CENPE: variants seen among roughly 807,000 people sequenced by gnomAD.
The protein encoded by CENPE is centromere-associated protein E.
Under a neutral mutation model 336.1 loss-of-function variants are expected in CENPE, and 145 were observed. The ratio of observed to expected loss-of-function variants is 0.43; its 90% CI spans 0.38 to 0.50. The LOEUF (loss-of-function observed/expected upper bound fraction) is 0.50. Ranked by LOEUF, CENPE falls within the 20% of genes least tolerant of loss-of-function variation. The probability of loss-of-function intolerance (pLI) is 0.00; values close to 1 mark genes in which losing one functional copy is unlikely to be tolerated. For missense variants in CENPE, 2,719 were observed against 3,023.3 expected, an observed-to-expected ratio of 0.90 and a Z score of 2.36; for synonymous variants, 1,013 against 984.8, an observed-to-expected ratio of 1.03 and a Z score of -0.54.
intron 47 of CENPE, 22 bp from the exon 48 acceptor site, chr4:103,109,111 G>GA (rs768954272): frequency 8.2e-6 from 13 of 1,584,662 alleles, no homozygotes; most frequent in Non-Finnish European, 1.1e-5. Flanking sequence ...GGGAAGAAAA[G>GA]AGAGACTGTA....
chr4:103,120,395 T>A, intron 43 of CENPE, 62 bp from the exon 44 acceptor site: 2 of 1,366,774 alleles, frequency 1.5e-6, no homozygotes, highest in South Asian at 2.6e-5. Flanking sequence ...GTATAGAAAT[T>A]TGAGACAGAG....
Position 103,140,373 on chromosome 4 carries a change from T to C in CENPE, c.5796A>G (p.Leu1932=). 2 of 1,605,410 alleles carry C rather than the reference T, an allele frequency of 1.2e-6. No individual in the cohort carries two copies. The highest frequency in any genetic ancestry group is 1.7e-6 in the Non-Finnish European group (2 of 1,176,512). The change falls in exon 37 of 49, where the codon CTA becomes CTG. Residue 1932 remains leucine, a synonymous_variant. Transcript: ENST00000265148. ...CAACAGTTTCTTTGTGTTCTTTTGATAGCATACGAGCAGTTTTTAGTTCCT... is the reference window on the plus strand; with the variant it reads ...CAACAGTTTCTTTGTGTTCTTTTGACAGCATACGAGCAGTTTTTAGTTCCT... The part of the protein sequence containing the change: ...IQQELKTARM[L]SKEHKETVDK...
At chr4:103,197,353 G>T (rs1346690834) in intron 1 of CENPE, among the ~76,000 whole-genome samples, 1 of 152,134 alleles carries the variant, frequency 6.6e-6, no homozygotes, top group Non-Finnish European at 1.5e-5. Flanking sequence ...CATGAAAAGC[G>T]TCAAGACTTT....
Position 103,136,289 on chromosome 4 carries a change from T to C in CENPE, c.6374A>G (p.Glu2125Gly). The C allele has an allele frequency of 6.2e-7, 1 of 1,613,492 alleles. No individual in the cohort carries two copies. The highest frequency in any genetic ancestry group is 8.5e-7 in the Non-Finnish European group (1 of 1,179,786). ...CTCTTTTTGGAATTCAATTTCCTTC[T>C]CCAAGTCAAGAGACAATCTATTCAA... ...ECLNRLSLDL[E>G]KEIEFQKELS... Residue 2125 changes from glutamate (E) to glycine (G), a missense_variant, in exon 40 of 49, where the codon GAG (glutamate) becomes GGG (glycine). Glu to Gly is a moderately conservative substitution (Grantham distance 98). Coordinates refer to ENST00000265148, the MANE Select transcript of CENPE (RefSeq NM_001813.3).
chr4:103,187,291 C>G (rs553213743), intron 8 of CENPE, among the ~76,000 whole-genome samples: 19 of 152,214 alleles, frequency 1.2e-4, no homozygotes, highest in Non-Finnish European at 2.2e-4. Flanking sequence ...TCAGGAAATA[C>G]AGAGAATGCC....
At chr4:103,182,139 T>G (rs1189779237) in intron 11 of CENPE, among the ~76,000 whole-genome samples, 1 of 152,006 alleles carries the variant, frequency 6.6e-6, no homozygotes, top group Non-Finnish European at 1.5e-5. Context: ...TTGCCTAGGC[T>G]GGAGTGCAAT....
Position 103,138,350 on chromosome 4 carries a change from C to A in CENPE, c.6303+1G>T. The A allele has an allele frequency of 6.2e-7, 1 of 1,600,608 alleles. No individual in the cohort carries two copies. Among genetic ancestry groups the A allele is most frequent in the Non-Finnish European group, 8.6e-7 (1 of 1,167,720 alleles). ...TTGTAGTTTTAACAGGGGGTACTTACTTTTATTCTAGAGCACTTTTCTCTC... is the reference window on the plus strand; with the variant it reads ...TTGTAGTTTTAACAGGGGGTACTTAATTTTATTCTAGAGCACTTTTCTCTC... On this transcript the variant is annotated splice_donor_variant, in intron 39 of 48. Transcript: ENST00000265148. LOFTEE classifies it high-confidence loss of function.
At chr4:103,163,607 G>GCAAAAAAAAAAAAAAAA (rs1754649130) in intron 16 of CENPE, 54 bp from the exon 17 acceptor site, 1 of 197,238 alleles carries the variant, frequency 5.1e-6, no homozygotes, top group Non-Finnish European at 7.7e-6. Context: ...ATAAAGCAAA[G>GCAAAAAAAAAAAAAAAA]CAAAAAAAAA....
At chr4:103,134,282 A>T (rs1162363700) in intron 40 of CENPE, among the ~76,000 whole-genome samples, 1 of 152,146 alleles carries the variant, frequency 6.6e-6, no homozygotes, top group African/African-American at 2.4e-5. Context: ...ACTCATTTTC[A>T]ACATCCTCTC....
At chr4:103,132,171 T>C (rs1176239474) in intron 42 of CENPE, among the ~76,000 whole-genome samples, 1 of 152,152 alleles carries the variant, frequency 6.6e-6, no homozygotes, top group Admixed American at 6.5e-5. Context: ...TGATGTGGGC[T>C]GTTGATAGGG....
chr4:103,187,016 C>T (rs1756834804), intron 8 of CENPE, among the ~76,000 whole-genome samples: 1 of 152,128 alleles, frequency 6.6e-6, no homozygotes. Context: ...AGACAGGGGC[C>T]AGATTATGCA....
At position 103,123,058 on chromosome 4, in the gene CENPE, T is replaced by A; in HGVS notation, c.6956A>T (p.Glu2319Val). 6.2e-7 allele frequency: 1 copy of A among 1,613,854 alleles called. No homozygotes were observed. The highest frequency in any genetic ancestry group is 8.5e-7 in the Non-Finnish European group (1 of 1,179,816). The change falls in exon 43 of 49, where the codon GAA (glutamate) becomes GTA (valine). Residue 2319 changes from glutamate to valine, a missense_variant. Glu to Val is a moderately radical substitution (Grantham distance 121, BLOSUM62 -2). Around this residue, in one of 5 missense-constraint regions of CENPE, gnomAD observed 2,437 missense variants for 2,513.3 expected, o/e 0.97. Transcript: ENST00000265148. The stretch of plus-strand genomic sequence containing the variant: ...CTCTTTGGATATGGTAGCACTTCTT[T>A]CCTCAAACTCTGTTGATTCATTCAT... ...AIMNESTEFEERSATISKEWE... is the reference protein window; with the variant it reads ...AIMNESTEFEVRSATISKEWE...
intron 16 of CENPE, among the ~76,000 whole-genome samples, chr4:103,167,778 T>G (rs1446262205): frequency 6.6e-6 from 1 of 152,192 alleles, no homozygotes; most frequent in East Asian, 1.9e-4. Context: ...AATGGTCCCA[T>G]TCCTTGAAGG....
intron 23 of CENPE, 76 bp downstream of exon 23, chr4:103,158,538 T>C: frequency 1.3e-6 from 2 of 1,511,816 alleles, no homozygotes; most frequent in East Asian, 2.3e-5. Flanking sequence ...AACATAATCA[T>C]AAATAATAAA....
Position 103,143,350 on chromosome 4 carries a change from TTGG to T in CENPE, c.5199_5201del (p.His1733del). On this transcript the variant is annotated inframe_deletion, in exon 34 of 49. Transcript: ENST00000265148. ...TCCCTCTTAGTTTATCAATAGTTTC[TTGG>T]TGCTCCTTCAGATGCATGTGAACAA... 6.2e-7 allele frequency: 1 copy of T among 1,607,696 alleles called. No homozygotes were observed. Among genetic ancestry groups the T allele is most frequent in the Non-Finnish European group, 8.5e-7 (1 of 1,175,142 alleles).
intron 38 of CENPE, 131 bp from the exon 39 acceptor site, chr4:103,138,580 CA>C: frequency 1.5e-6 from 1 of 657,728 alleles, no homozygotes; most frequent in South Asian, 1.8e-5. Context: ...CACTCAAAAG[CA>C]ATGTTAAAAT....
At chr4:103,186,557 C>T (rs966920969) in intron 8 of CENPE, among the ~76,000 whole-genome samples, 1 of 152,172 alleles carries the variant, frequency 6.6e-6, no homozygotes, top group African/African-American at 2.4e-5. Flanking sequence ...TCTTTCATTT[C>T]ACAAATATTA....
chr4:103,193,121 G>A (rs1474013084), intron 8 of CENPE, among the ~76,000 whole-genome samples: 1 of 151,986 alleles, frequency 6.6e-6, no homozygotes, highest in Non-Finnish European at 1.5e-5. Context: ...AGGCTGGAGG[G>A]TTGGAACAGA....
intron 42 of CENPE, among the ~76,000 whole-genome samples, 163 bp downstream of exon 42, chr4:103,132,530 A>G (rs181459044): frequency 6.6e-6 from 1 of 152,344 alleles, no homozygotes; most frequent in African/African-American, 2.4e-5. Context: ...ATGAATTGAT[A>G]AGGAAGAATA....
Sources: gnomAD v4.1 joint callset for allele counts (sites outside exome capture counted in the v4.1 genomes callset) on GRCh38, gnomAD v4.1.1 for gene constraint, gnomAD v4.1.1 regional missense constraint, MANE v1.5 for transcripts, NCBI Gene and HGNC (gene_info 2026-07-23, HGNC 2026-07-21) for gene names.